The following FBXL7 variants were observed in gnomAD, a reference collection of about 807,000 sequenced individuals.
FBXL7 encodes the protein F-box/LRR-repeat protein 7.
In FBXL7, 12 loss-of-function variants were observed where a neutral mutation model predicts 38.3. The ratio of observed to expected loss-of-function variants is 0.31; its 90% CI spans 0.20 to 0.51. The LOEUF is 0.51. Ranked by LOEUF, FBXL7 falls within the 20% of genes least tolerant of loss-of-function variation. The probability of loss-of-function intolerance (pLI) is 0.98; values close to 1 mark genes in which losing one functional copy is unlikely to be tolerated. For synonymous variants in FBXL7, 297 were observed against 300.9 expected (o/e 0.99, Z 0.13); for missense variants, 567 against 676.4 (o/e 0.84, Z 1.79).
At chr5:15,801,833 G>T (rs1007772367) in intron 2 of FBXL7, among the ~76,000 whole-genome samples, 2 of 147,322 alleles carry the variant, frequency 1.4e-5, no homozygotes, top group African/African-American at 5.2e-5. Flanking sequence ...TCCATATTTC[G>T]GGGGGGGCGG....
At chr5:15,878,483 A>G (rs1740306250) in intron 2 of FBXL7, among the ~76,000 whole-genome samples, 1 of 152,194 alleles carries the variant, frequency 6.6e-6, no homozygotes, top group African/African-American at 2.4e-5. Context: ...TAATCTTCAT[A>G]GCCCAGGAGA....
chr5:15,559,972 G>A (rs1167505108), intron 1 of FBXL7, among the ~76,000 whole-genome samples: 1 of 152,128 alleles, frequency 6.6e-6, no homozygotes, highest in Non-Finnish European at 1.5e-5. Flanking sequence ...GGTATCCCTG[G>A]CACCTACACT....
intron 1 of FBXL7, among the ~76,000 whole-genome samples, chr5:15,539,332 C>T (rs1378501555): frequency 1.3e-5 from 2 of 152,284 alleles, no homozygotes; most frequent in East Asian, 3.9e-4. Flanking sequence ...TCAAGTTTCT[C>T]CTCACCTATA....
intron 2 of FBXL7, among the ~76,000 whole-genome samples, chr5:15,644,352 G>A (rs1741464350): frequency 1.3e-5 from 2 of 149,316 alleles, no homozygotes; most frequent in South Asian, 2.1e-4. Flanking sequence ...GTGCATGCCT[G>A]TAATCCCAGC....
At chr5:15,829,725 T>C (rs1738403889) in intron 2 of FBXL7, among the ~76,000 whole-genome samples, 1 of 152,210 alleles carries the variant, frequency 6.6e-6, no homozygotes, top group African/African-American at 2.4e-5. Context: ...CTAAAAGTGC[T>C]CCTGAAAGTA....
intron 2 of FBXL7, among the ~76,000 whole-genome samples, chr5:15,628,849 C>T (rs1028243284): frequency 2.0e-5 from 3 of 152,024 alleles, no homozygotes; most frequent in African/African-American, 7.2e-5. Context: ...TCCCCTGTAC[C>T]TCCAACATTA....
intron 2 of FBXL7, among the ~76,000 whole-genome samples, chr5:15,668,646 A>C (rs774743918): frequency 6.6e-6 from 1 of 152,172 alleles, no homozygotes; most frequent in Non-Finnish European, 1.5e-5. Context: ...TGAACACAGC[A>C]GTACAGCAAG....
chr5:15,588,291 A>G (rs997122116), intron 1 of FBXL7, among the ~76,000 whole-genome samples: 6 of 152,146 alleles, frequency 3.9e-5, no homozygotes, highest in Admixed American at 3.3e-4. Context: ...TTTTAGGCTG[A>G]TTTTACTGCA....
chr5:15,721,077 TTAGGATATGTACAAAAGTTG>T (rs1375982162), intron 2 of FBXL7, among the ~76,000 whole-genome samples: 2 of 152,200 alleles, frequency 1.3e-5, no homozygotes, highest in Admixed American at 6.5e-5. Context: ...AATTTTGCTC[TTAGGATATGTACAAAAGTTG>T]TAAATGCTTG....
At chr5:15,615,551 A>G (rs1408765233) in intron 1 of FBXL7, among the ~76,000 whole-genome samples, 1 of 152,208 alleles carries the variant, frequency 6.6e-6, no homozygotes, top group Non-Finnish European at 1.5e-5. Flanking sequence ...TGACGCAGCT[A>G]TTTGGAGTTA....
chr5:15,677,648 CT>C (rs77112500), intron 2 of FBXL7, among the ~76,000 whole-genome samples: 2 of 151,954 alleles, frequency 1.3e-5, no homozygotes, highest in Non-Finnish European at 2.9e-5. Flanking sequence ...TCAGTGAAAT[CT>C]TTTTTAGTTT....
chr5:15,657,716 T>C (rs902948034), intron 2 of FBXL7, among the ~76,000 whole-genome samples: 4 of 152,040 alleles, frequency 2.6e-5, no homozygotes, highest in Non-Finnish European at 5.9e-5. Flanking sequence ...TTGGTGCCTA[T>C]AATCCCAGGT....
chr5:15,616,040 C>T lies in FBXL7; in HGVS notation c.95C>T (p.Thr32Ile). Residue 32 changes from threonine (T) to isoleucine (I), a missense_variant, in exon 2 of 4, where the codon ACT (threonine) becomes ATT (isoleucine). Transcript: ENST00000504595. ...DVSSSTDHTPTKAQKNVATSE... is the reference protein window; with the variant it reads ...DVSSSTDHTPIKAQKNVATSE... ...AGTTCAAGTACAGATCACACGCCCACTAAAGCCCAGAAGAATGTGGCTACC... is the reference window on the plus strand; with the variant it reads ...AGTTCAAGTACAGATCACACGCCCATTAAAGCCCAGAAGAATGTGGCTACC... The T allele has an allele frequency of 6.2e-7, 1 of 1,613,580 alleles. No homozygotes were observed.
At chr5:15,530,935 C>T (rs181000398) in intron 1 of FBXL7, among the ~76,000 whole-genome samples, 21 of 152,292 alleles carry the variant, frequency 1.4e-4, no homozygotes, top group African/African-American at 5.1e-4. Context: ...CCAAAGAAAA[C>T]ACTGTCATTG....
intron 2 of FBXL7, among the ~76,000 whole-genome samples, chr5:15,833,779 T>G (rs1738518321): frequency 6.6e-6 from 1 of 152,212 alleles, no homozygotes; most frequent in Admixed American, 6.5e-5. Context: ...TCACCTTCAG[T>G]CCATCACTTT....
In FBXL7 at chr5:15,882,974, A is replaced by AG. The variant is rs1363943127; in HGVS notation, c.128-44916_128-44915insG. On this transcript the variant is annotated intron_variant, in intron 2 of 3. Transcript: ENST00000504595. The stretch of plus-strand genomic sequence containing the variant: ...TATCACTTTAATCATTTTAGAAAAA[A>AG]AAATCAATAAAATGGGACCCAGCTT... Among the ~76,000 whole-genome samples, 4 of 151,688 alleles carry AG rather than the reference A, an allele frequency of 2.6e-5. 1 individual carries two copies. In the South Asian group the frequency reaches 8.3e-4, roughly 32 times the overall value.
chr5:15,559,410 A>T (rs1188675771), intron 1 of FBXL7, among the ~76,000 whole-genome samples: 1 of 152,090 alleles, frequency 6.6e-6, no homozygotes, highest in Admixed American at 6.6e-5. Context: ...TATCTGTGTG[A>T]GTGTGTGTTT....
At chr5:15,685,540 G>A (rs72745680) in intron 2 of FBXL7, among the ~76,000 whole-genome samples, 3,413 of 152,244 alleles carry the variant, frequency 0.022, 58 homozygotes, top group Non-Finnish European at 0.037. Context: ...ATGTGTAGGG[G>A]ATGGTGGAAT....
intron 2 of FBXL7, among the ~76,000 whole-genome samples, chr5:15,873,329 AC>A (rs1194539858): frequency 6.6e-6 from 1 of 152,174 alleles, no homozygotes; most frequent in Non-Finnish European, 1.5e-5. Context: ...TAAAATTGAC[AC>A]CCTAACATCA....
Sources: allele counts gnomAD v4.1 joint callset (sites outside exome capture counted in the v4.1 genomes callset), GRCh38; gene constraint gnomAD v4.1.1; transcripts MANE v1.5; gene names NCBI Gene and HGNC (gene_info 2026-07-23, HGNC 2026-07-21).